The following ZYG11B variants were observed in gnomAD, a reference collection of about 807,000 sequenced individuals.
ZYG11B encodes protein zyg-11 homolog B.
In ZYG11B, 36 loss-of-function variants were observed where a neutral mutation model predicts 82.4. The observed-to-expected ratio is 0.44, with a 90% CI of 0.33 to 0.58. The LOEUF (loss-of-function observed/expected upper bound fraction) is 0.58, where lower values mean the gene tolerates loss of function less well. ZYG11B is among the 20% of genes least tolerant of loss of function. The pLI, the probability that ZYG11B is intolerant of heterozygous loss-of-function variation, is 0.02. For synonymous variants in ZYG11B, 303 were observed against 312.8 expected (o/e 0.97, Z 0.33); for missense variants, 552 against 895.6 (o/e 0.62, Z 4.90).
intron 1 of ZYG11B, among the ~76,000 whole-genome samples, chr1:52,755,803 CTTTG>C (rs760964125): frequency 1.1e-4 from 17 of 151,986 alleles, no homozygotes; most frequent in Non-Finnish European, 2.1e-4. Context: ...CCACACCCGG[CTTTG>C]TTTGTTTTTT....
intron 1 of ZYG11B, among the ~76,000 whole-genome samples, chr1:52,739,604 A>C (rs2149920579): frequency 6.6e-6 from 1 of 151,776 alleles, no homozygotes; most frequent in Admixed American, 6.6e-5. Flanking sequence ...TTTGCAAAGT[A>C]CTTTGTTTTA....
At chr1:52,746,699 T>TG (rs1442140363) in intron 1 of ZYG11B, among the ~76,000 whole-genome samples, 1 of 138,486 alleles carries the variant, frequency 7.2e-6, no homozygotes, top group Non-Finnish European at 1.5e-5. Context: ...TTTTTTTTTT[T>TG]TTTTTTTTTT....
intron 1 of ZYG11B, among the ~76,000 whole-genome samples, chr1:52,737,309 C>T (rs1328300718): frequency 6.6e-6 from 1 of 152,150 alleles, no homozygotes. Context: ...TGTATGTGCC[C>T]TGGTTATAGC....
At position 52,774,137 on chromosome 1, in the gene ZYG11B, CT is replaced by C. The variant is rs71701008; in HGVS notation, c.951+2378del. ...CTCATGAATCACTGTTTTACAATAA[CT>C]TTTTTTTTTTTTTTCCTCAGAGGCA... On this transcript the variant is annotated intron_variant, in intron 3 of 13. Transcript: ENST00000294353. Among the ~76,000 whole-genome samples, 239 of 147,776 alleles carry C rather than the reference CT, an allele frequency of 1.6e-3. No homozygotes were observed. The Middle Eastern group carries it at 0.017, about 11-fold the overall frequency.
intron 13 of ZYG11B, among the ~76,000 whole-genome samples, chr1:52,820,223 T>C (rs1645271876): frequency 2.0e-5 from 3 of 151,546 alleles, no homozygotes; most frequent in South Asian, 4.2e-4. Flanking sequence ...CCCTGAATAA[T>C]TTATTCTAAA....
rs111265384 is a variant in ZYG11B, at chr1:52,742,452, T to TA, written c.31-13998dup. On this transcript the variant is annotated intron_variant, in intron 1 of 13. Coordinates refer to ENST00000294353, the MANE Select transcript of ZYG11B (RefSeq NM_024646.3). ...GGGTGACAGAGCAAGACCCTGTCTCTAAAAAAAATAAAAGATAGAAAAAGA... is the reference window on the plus strand; with the variant it reads ...GGGTGACAGAGCAAGACCCTGTCTCTAAAAAAAAATAAAAGATAGAAAAAGA... Among the ~76,000 whole-genome samples the TA allele has an allele frequency of 1.8e-3, 270 of 150,416 alleles. 2 individuals carry two copies. Among genetic ancestry groups the TA allele is most frequent in the African/African-American group, 6.2e-3 (255 of 40,964 alleles).
chr1:52,777,636 C>A lies in ZYG11B; in HGVS notation c.952-2217C>A, dbSNP rs1292605961. Among the ~76,000 whole-genome samples the A allele has an allele frequency of 3.9e-5, 6 of 151,992 alleles. No homozygotes were observed. In the East Asian group the frequency reaches 1.2e-3, roughly 29 times the overall value. The stretch of plus-strand genomic sequence containing the variant: ...TTCTTTTCTTTTATAGAGACAGGGT[C>A]TTACTATGTTCCCCAGGCTGGTTTT... On this transcript the variant is annotated intron_variant, in intron 3 of 13. Transcript: ENST00000294353.
chr1:52,759,955 G>A (rs984738522), intron 2 of ZYG11B, among the ~76,000 whole-genome samples: 3 of 152,068 alleles, frequency 2.0e-5, no homozygotes, highest in East Asian at 1.9e-4. Context: ...CTCAGCCTCC[G>A]GAGTAGCTGG....
At chr1:52,790,182 A>C in intron 6 of ZYG11B, 115 bp downstream of exon 6, 2 of 630,874 alleles carry the variant, frequency 3.2e-6, no homozygotes, top group East Asian at 3.0e-5. Context: ...AATAGATAGA[A>C]TTGTGGGTTA....
Position 52,820,965 on chromosome 1 carries a change from G to GT in ZYG11B, c.2045-473dup, listed in dbSNP as rs201887657. Reference sequence around the variant, plus strand: ...AAAATAAAAAAATTAGCCAGGGGTGGTGGCATGTGCCTGTATTTCCAGGCT... The same window carrying GT: ...AAAATAAAAAAATTAGCCAGGGGTGGTTGGCATGTGCCTGTATTTCCAGGCT... On this transcript the variant is annotated intron_variant, in intron 13 of 13. Coordinates refer to ENST00000294353, the MANE Select transcript of ZYG11B (RefSeq NM_024646.3). Among the ~76,000 whole-genome samples the GT allele has an allele frequency of 1.6e-3, 250 of 151,780 alleles. 3 individuals are homozygous for GT. In the East Asian group the frequency reaches 0.036, roughly 22 times the overall value.
intron 1 of ZYG11B, among the ~76,000 whole-genome samples, chr1:52,733,852 C>T (rs922215077): frequency 6.6e-6 from 1 of 152,138 alleles, no homozygotes; most frequent in Non-Finnish European, 1.5e-5. Context: ...TTATCATGAG[C>T]CATTCTCCTA....
chr1:52,793,891 C>CCTTA (rs1317605087), intron 6 of ZYG11B, among the ~76,000 whole-genome samples: 1 of 147,474 alleles, frequency 6.8e-6, no homozygotes, highest in Non-Finnish European at 1.5e-5. Flanking sequence ...TTCCTTCCTT[C>CCTTA]CTTCCTTCCT....
At chr1:52,800,679 T>C (rs1018639853) in intron 8 of ZYG11B, among the ~76,000 whole-genome samples, 5 of 151,938 alleles carry the variant, frequency 3.3e-5, no homozygotes, top group African/African-American at 9.7e-5. Flanking sequence ...TGTGGTGGCA[T>C]GCGCCTGTAA....
intron 6 of ZYG11B, among the ~76,000 whole-genome samples, chr1:52,795,063 G>A (rs192060658): frequency 4.3e-4 from 65 of 152,198 alleles, no homozygotes; most frequent in Non-Finnish European, 8.8e-4. Flanking sequence ...TTAATGATAT[G>A]GTTTGGCCCT....
intron 4 of ZYG11B, among the ~76,000 whole-genome samples, chr1:52,783,453 A>G (rs1219646732): frequency 5.9e-5 from 9 of 152,022 alleles, no homozygotes; most frequent in Admixed American, 5.9e-4. Flanking sequence ...ATTATCTAAC[A>G]TATACATGAA....
intron 2 of ZYG11B, among the ~76,000 whole-genome samples, chr1:52,768,995 A>G (rs899164247): frequency 3.3e-5 from 5 of 152,084 alleles, no homozygotes; most frequent in African/African-American, 9.7e-5. Flanking sequence ...TTCATTCATG[A>G]TGGTTTACTT....
intron 8 of ZYG11B, among the ~76,000 whole-genome samples, chr1:52,799,071 A>T (rs1012573322): frequency 6.6e-6 from 1 of 152,146 alleles, no homozygotes; most frequent in Non-Finnish European, 1.5e-5. Flanking sequence ...AATTATAATT[A>T]TGTAATTATA....
In ZYG11B at chr1:52,813,634, C is replaced by A; in HGVS notation, c.1794C>A (p.Val598=). 6.2e-7 allele frequency: 1 copy of A among 1,613,916 alleles called. No homozygotes were observed. Among genetic ancestry groups the A allele is most frequent in the African/African-American group, 1.3e-5 (1 of 74,972 alleles). The change falls in exon 11 of 14, where the codon GTC becomes GTA. Residue 598 remains valine, a synonymous_variant. Coordinates refer to ENST00000294353, the MANE Select transcript of ZYG11B (RefSeq NM_024646.3). ...SSLLHSVEVE[V]SYFAAGIIAH... Reference sequence around the variant, plus strand: ...TCCTACACAGTGTGGAAGTGGAAGTCAGTTACTTTGCAGCTGGAATTATTG... The same window carrying A: ...TCCTACACAGTGTGGAAGTGGAAGTAAGTTACTTTGCAGCTGGAATTATTG...
Position 52,823,017 on chromosome 1 carries a change from G to A in ZYG11B, c.*1388G>A, listed in dbSNP as rs1323579520. The A allele has an allele frequency of 1.3e-5, 2 of 152,130 alleles. No individual in the cohort carries two copies. Among genetic ancestry groups the A allele is most frequent in the Non-Finnish European group, 2.9e-5 (2 of 68,034 alleles). The allele number at this position is 152,130 out of a possible 1,614,324, so 9.4% of individuals were successfully genotyped here. ...ATATTAAAATTATAGTGATTATTCAGAAGCATTTTAATTTAGAAAGGAGCT... is the reference window on the plus strand; with the variant it reads ...ATATTAAAATTATAGTGATTATTCAAAAGCATTTTAATTTAGAAAGGAGCT... On this transcript the variant is annotated 3_prime_UTR_variant, in exon 14 of 14. Transcript: ENST00000294353.
Sources: gnomAD v4.1 joint callset for allele counts (sites outside exome capture counted in the v4.1 genomes callset) on GRCh38, gnomAD v4.1.1 for gene constraint, MANE v1.5 for transcripts, NCBI Gene and HGNC (gene_info 2026-07-23, HGNC 2026-07-21) for gene names.